SEMA5B: variants seen among roughly 807,000 people sequenced by gnomAD.
SEMA5B encodes semaphorin 5B, also known as semaphorin-5B.
A neutral mutation model predicts 135.0 loss-of-function variants in SEMA5B; 66 were observed. That is an observed-to-expected ratio of 0.49 (90% confidence interval 0.40 to 0.60). SEMA5B has a LOEUF of 0.60. SEMA5B is among the 20% of genes least tolerant of loss of function. The pLI, the probability that SEMA5B is intolerant of heterozygous loss-of-function variation, is 0.00. For synonymous variants in SEMA5B, 690 were observed against 639.5 expected, an observed-to-expected ratio of 1.08 and a Z score of -1.19; for missense variants, 1,501 against 1,566.3, an observed-to-expected ratio of 0.96 and a Z score of 0.70.
At chr3:122,952,346 G>A (rs1940093979) in intron 2 of SEMA5B, among the ~76,000 whole-genome samples, 1 of 152,070 alleles carries the variant, frequency 6.6e-6, no homozygotes, top group Non-Finnish European at 1.5e-5. Context: ...CTCAAACAAG[G>A]CCACAGGGCT....
intron 1 of SEMA5B, among the ~76,000 whole-genome samples, chr3:122,997,525 C>T (rs79289865): frequency 0.19 from 29,032 of 151,266 alleles, 3,801 homozygotes; most frequent in Non-Finnish European, 0.27. Context: ...CTCTCCCCCC[C>T]CCGTCTCCAC....
intron 8 of SEMA5B, among the ~76,000 whole-genome samples, chr3:122,927,454 A>G (rs1938701974): frequency 6.6e-6 from 1 of 152,028 alleles, no homozygotes; most frequent in African/African-American, 2.4e-5. Flanking sequence ...CAGCCTCCCA[A>G]AGTGTTGGGA....
At chr3:123,021,958 A>AG (rs1277471372) in intron 1 of SEMA5B, among the ~76,000 whole-genome samples, 2 of 151,546 alleles carry the variant, frequency 1.3e-5, no homozygotes, top group Non-Finnish European at 2.9e-5. Flanking sequence ...GGTTAACAAC[A>AG]GGGGGGTTGG....
intron 1 of SEMA5B, among the ~76,000 whole-genome samples, chr3:123,001,346 C>G (rs200985785): frequency 1.3e-5 from 2 of 152,102 alleles, no homozygotes; most frequent in African/African-American, 4.8e-5. Flanking sequence ...AGAAACAAGT[C>G]CAAGAACCAT....
intron 1 of SEMA5B, among the ~76,000 whole-genome samples, chr3:123,010,048 T>G (rs1942400737): frequency 1.3e-5 from 2 of 152,126 alleles, no homozygotes; most frequent in East Asian, 3.9e-4. Flanking sequence ...ATGCCCAAGC[T>G]CCTCGCTGGA....
chr3:122,961,813 G>C (rs1345820820), intron 1 of SEMA5B, among the ~76,000 whole-genome samples: 1 of 151,992 alleles, frequency 6.6e-6, no homozygotes, highest in Non-Finnish European at 1.5e-5. Flanking sequence ...AGCTTCTATA[G>C]GTTAGAAGTC....
intron 5 of SEMA5B, among the ~76,000 whole-genome samples, chr3:122,931,466 A>G (rs1378043098): frequency 6.6e-6 from 1 of 152,238 alleles, no homozygotes; most frequent in Non-Finnish European, 1.5e-5. Flanking sequence ...CCACTGAGAA[A>G]CAAAATTGCT....
intron 1 of SEMA5B, among the ~76,000 whole-genome samples, chr3:123,019,624 T>C (rs1331109588): frequency 1.3e-5 from 2 of 152,074 alleles, no homozygotes; most frequent in African/African-American, 2.4e-5. Context: ...AATGTGTACA[T>C]AAGGCACCTG....
chr3:122,987,924 C>G (rs1490867505), intron 1 of SEMA5B, among the ~76,000 whole-genome samples: 1 of 151,898 alleles, frequency 6.6e-6, no homozygotes. Context: ...GTTACTGGAT[C>G]TTTGCAAGTC....
chr3:122,915,994 A>G (rs749487990), intron 12 of SEMA5B, 104 bp from the exon 13 acceptor site: 145 of 808,888 alleles, frequency 1.8e-4, no homozygotes, highest in Non-Finnish European at 2.9e-4. Flanking sequence ...CTTTCCATCC[A>G]TTTGTCCTCC....
At chr3:122,919,617 C>T (rs1297387845) in intron 12 of SEMA5B, among the ~76,000 whole-genome samples, 1 of 152,186 alleles carries the variant, frequency 6.6e-6, no homozygotes, top group Non-Finnish European at 1.5e-5. Context: ...TGACAACACT[C>T]CCCACAGCAG....
chr3:122,917,389 G>T (rs940254845), intron 12 of SEMA5B, among the ~76,000 whole-genome samples: 48 of 152,200 alleles, frequency 3.2e-4, no homozygotes, highest in Non-Finnish European at 4.4e-5. Context: ...GGACAAAGGG[G>T]CCAAAGATGC....
chr3:122,999,863 A>C (rs1436224755), intron 1 of SEMA5B, among the ~76,000 whole-genome samples: 1 of 152,180 alleles, frequency 6.6e-6, no homozygotes, highest in East Asian at 1.9e-4. Flanking sequence ...CACAACAGCT[A>C]TGGGGACAGA....
At chr3:122,986,590 T>C (rs1941702835) in intron 1 of SEMA5B, among the ~76,000 whole-genome samples, 1 of 118,184 alleles carries the variant, frequency 8.5e-6, no homozygotes, top group African/African-American at 3.0e-5. Context: ...GCCCAGAGCA[T>C]ATTTGTGTGT....
At chr3:122,912,789 C>A (rs540043354) in intron 18 of SEMA5B, 54 bp downstream of exon 18, 1,057 of 1,462,960 alleles carry the variant, frequency 7.2e-4, no homozygotes, top group Admixed American at 1.1e-3. Flanking sequence ...GGGAAGGGGG[C>A]CTCCAGGATG....
chr3:123,003,070 A>G (rs1021824615), intron 1 of SEMA5B, among the ~76,000 whole-genome samples: 3 of 152,118 alleles, frequency 2.0e-5, no homozygotes, highest in African/African-American at 7.2e-5. Context: ...CACGCTGCAG[A>G]CACCTGCAGA....
chr3:122,957,458 C>T (rs11707826), intron 2 of SEMA5B, among the ~76,000 whole-genome samples: 20,845 of 152,226 alleles, frequency 0.14, 1,591 homozygotes, highest in East Asian at 0.26. Flanking sequence ...AGGAGCAGCA[C>T]GGCCACTCAT....
intron 14 of SEMA5B, among the ~76,000 whole-genome samples, chr3:122,914,299 GAGA>G (rs1341445592): frequency 6.6e-6 from 1 of 152,222 alleles, no homozygotes; most frequent in Non-Finnish European, 1.5e-5. Context: ...AGACTCTTTA[GAGA>G]AGAAGGCCCT....
chr3:122,994,566 C>T (rs1467047707), intron 1 of SEMA5B, among the ~76,000 whole-genome samples: 3 of 152,122 alleles, frequency 2.0e-5, no homozygotes, highest in Non-Finnish European at 2.9e-5. Flanking sequence ...GGATTTGGTA[C>T]TGGGAGGAGC....
Sources: allele counts gnomAD v4.1 joint callset (sites outside exome capture counted in the v4.1 genomes callset), GRCh38; gene constraint gnomAD v4.1.1; transcripts MANE v1.5; gene names NCBI Gene and HGNC (gene_info 2026-07-23, HGNC 2026-07-21).